CRAMP1: variants seen among roughly 807,000 people sequenced by gnomAD.
The protein encoded by CRAMP1 is cramped chromatin regulator 1, also known as protein cramped-like.
Under a neutral mutation model 115.4 loss-of-function variants are expected in CRAMP1, and 50 were observed. The ratio of observed to expected loss-of-function variants is 0.43; its 90% CI spans 0.35 to 0.55. The LOEUF (loss-of-function observed/expected upper bound fraction) is 0.55, where lower values mean the gene tolerates loss of function less well. CRAMP1 is among the 20% of genes least tolerant of loss of function. CRAMP1 has a pLI of 0.01. For synonymous variants in CRAMP1, 866 were observed against 745.4 expected (o/e 1.16, Z -2.64); for missense variants, 1,679 against 1,721.7 (o/e 0.98, Z 0.44).
rs748565936 is a variant in CRAMP1 at position 1,669,174 on chromosome 16, A to G, written c.3499+9A>G. On this transcript the variant is annotated intron_variant, in intron 19 of 20. Transcript: ENST00000397412. This position sits in a 1 kb window ranked among gnomAD's most constrained non-coding sequence, Gnocchi z 4.6. Reference sequence around the variant, plus strand: ...GCTCAGCAGCCTGTTTGGTGAGTGTATGGGGAGGGCTCCCATCTCCTTTTC... The same window carrying G: ...GCTCAGCAGCCTGTTTGGTGAGTGTGTGGGGAGGGCTCCCATCTCCTTTTC... The G allele has an allele frequency of 1.5e-5, 24 of 1,570,762 alleles. No individual in the cohort carries two copies. Among genetic ancestry groups the G allele is most frequent in the Non-Finnish European group, 2.0e-5 (23 of 1,157,710 alleles).
chr16:1,645,963 T>A (rs1374847521), intron 6 of CRAMP1, among the ~76,000 whole-genome samples: 1 of 152,118 alleles, frequency 6.6e-6, no homozygotes, highest in Non-Finnish European at 1.5e-5. Flanking sequence ...CAAGCACCCT[T>A]TGCGCCACTC....
chr16:1,659,906 C>T lies in CRAMP1; in HGVS notation c.2256C>T (p.Ile752=), dbSNP rs778846327. Reference sequence around the variant, plus strand: ...CCTAGGCTCTGGAAGCAAACACCATCTCTACAGCCTCAGTAAGGCCCGCCC... The same window carrying T: ...CCTAGGCTCTGGAAGCAAACACCATTTCTACAGCCTCAGTAAGGCCCGCCC... ...NPKLALEANT[I]STASVRPAQE... Residue 752 remains isoleucine, a synonymous_variant, in exon 11 of 21, where the codon ATC becomes ATT. Transcript: ENST00000397412. 1.2e-6 allele frequency: 2 copies of T among 1,613,306 alleles called. No homozygotes were observed. The highest frequency in any genetic ancestry group is 1.7e-6 in the Non-Finnish European group (2 of 1,179,812).
In CRAMP1 at chr16:1,655,247, T is replaced by C; in HGVS notation, c.1066T>C (p.Ser356Pro). 1 of 1,614,022 alleles carries C rather than the reference T, an allele frequency of 6.2e-7. No individual in the cohort carries two copies. Among genetic ancestry groups the C allele is most frequent in the Non-Finnish European group, 8.5e-7 (1 of 1,179,862 alleles). ...RMIVELHRKV[S>P]SLIEFLKQKW... ...GATCGTGGAGCTACATCGAAAGGTCTCCAGCCTCATCGAATTCTTGAAGCA... is the reference window on the plus strand; with the variant it reads ...GATCGTGGAGCTACATCGAAAGGTCCCCAGCCTCATCGAATTCTTGAAGCA... The change falls in exon 9 of 21, where the codon TCC (serine) becomes CCC (proline). Residue 356 changes from serine (S) to proline (P), a missense_variant. Ser to Pro is a moderately conservative substitution (Grantham distance 74). Around this residue, in one of 8 missense-constraint regions of CRAMP1, gnomAD observed 191 missense variants for 236.2 expected, o/e 0.81. Transcript: ENST00000397412.
rs1482525436 is a variant in CRAMP1, at chr16:1,614,070, C to G, written c.-1-569C>G. On this transcript the variant is annotated intron_variant, in intron 1 of 20. Transcript: ENST00000397412. This position sits in a 1 kb window ranked among gnomAD's most constrained non-coding sequence, Gnocchi z 4.4. ...CTCCAGGGCCAGCTCTGGGGGCCGG[C>G]GCGTGGGGCAGGTGCGCGGGGCCCG... Among the ~76,000 whole-genome samples, 8 of 118,150 alleles carry G rather than the reference C, an allele frequency of 6.8e-5. No individual in the cohort carries two copies. The highest frequency in any genetic ancestry group is 1.2e-4 in the Non-Finnish European group (7 of 58,702). The allele number at this position is 118,150 out of a possible 152,430, so 77.5% of individuals were successfully genotyped here.
At chr16:1,641,938 A>G (rs973205395) in intron 6 of CRAMP1, among the ~76,000 whole-genome samples, 6 of 152,000 alleles carry the variant, frequency 3.9e-5, no homozygotes, top group African/African-American at 1.5e-4. Context: ...GGGGGTTCCC[A>G]GTGCACAGCC....
chr16:1,673,310 A>G (rs1279806147), intron 20 of CRAMP1, among the ~76,000 whole-genome samples: 24 of 106,508 alleles, frequency 2.3e-4, no homozygotes, highest in African/African-American at 4.8e-4. Flanking sequence ...TGTCTATGAC[A>G]GGAACGTGTC....
chr16:1,656,166 G>T lies in CRAMP1; in HGVS notation c.1409G>T (p.Gly470Val). The T allele has an allele frequency of 2.5e-6, 4 of 1,606,028 alleles. No homozygotes were observed. The highest frequency in any genetic ancestry group is 3.4e-6 in the Non-Finnish European group (4 of 1,177,026). Residue 470 changes from glycine (G) to valine (V), a missense_variant, in exon 10 of 21, where the codon GGC becomes GTC. By Grantham distance (109) the Gly-to-Val change is moderately radical. Coordinates refer to ENST00000397412, the MANE Select transcript of CRAMP1 (RefSeq NM_020825.4). The surrounding 1 kb of genome is among the most constrained non-coding windows in gnomAD (Gnocchi z 5.6). Reference sequence around the variant, plus strand: ...AAATGCCCGCGGAGCGGAGCTGAGGGCAAGGGTGTGGGGCGGCCCCCTCCT... The same window carrying T: ...AAATGCCCGCGGAGCGGAGCTGAGGTCAAGGGTGTGGGGCGGCCCCCTCCT... ...QVKCPRSGAE[G>V]KGVGRPPPAA...
In CRAMP1 at chr16:1,674,381, C is replaced by G. The variant is rs1262033944; in HGVS notation, c.*336C>G. The stretch of plus-strand genomic sequence containing the variant: ...TTGGACATTCCGGTGGCATTTCCTT[C>G]TGAGACAAGGGAGTATGTGTGCCTT... On this transcript the variant is annotated 3_prime_UTR_variant, in exon 21 of 21. Coordinates refer to ENST00000397412, the MANE Select transcript of CRAMP1 (RefSeq NM_020825.4). The G allele has an allele frequency of 3.3e-6, 1 of 304,868 alleles. No individual in the cohort carries two copies. The allele number at this position is 304,868 out of a possible 1,614,324, so 18.9% of individuals were successfully genotyped here.
At chr16:1,640,008 G>C (rs2036618973) in intron 5 of CRAMP1, among the ~76,000 whole-genome samples, 1 of 152,164 alleles carries the variant, frequency 6.6e-6, no homozygotes, top group Non-Finnish European at 1.5e-5. Flanking sequence ...AGGAGAGGTG[G>C]GGCACGGTGA....
chr16:1,612,445 T>G lies in CRAMP1; in HGVS notation c.-214T>G, dbSNP rs1050866067. ...AGGGTGAGTGGCGGCAGTATCTGCG[T>G]CCGCAGCCCCCGCAGCCGCGCGCCG... is the stretch of plus-strand genomic sequence containing the variant. On this transcript the variant is annotated 5_prime_UTR_variant, in exon 1 of 21. Coordinates refer to ENST00000397412, the MANE Select transcript of CRAMP1 (RefSeq NM_020825.4). 3.3e-5 allele frequency: 5 copies of G among 151,056 alleles called. No homozygotes were observed. Among genetic ancestry groups the G allele is most frequent in the Non-Finnish European group, 7.4e-5 (5 of 67,658 alleles). 9.4% of individuals were successfully genotyped at this position (151,056 alleles called of 1,614,324 possible).
intron 5 of CRAMP1, among the ~76,000 whole-genome samples, 188 bp from the exon 6 acceptor site, chr16:1,640,951 A>G (rs1309327793): frequency 2.0e-5 from 3 of 152,172 alleles, no homozygotes; most frequent in Non-Finnish European, 2.9e-5. Flanking sequence ...GGGGGCGACC[A>G]GGGCAGCTGA....
In CRAMP1 at chr16:1,659,946, A is replaced by G; in HGVS notation, c.2296A>G (p.Met766Val). ...AAGGCCCGCCCAGGAGGAGCAGTCGATGACGCCCCCAGGGAAGGTGGTGAC... is the reference window on the plus strand; with the variant it reads ...AAGGCCCGCCCAGGAGGAGCAGTCGGTGACGCCCCCAGGGAAGGTGGTGAC... ...SVRPAQEEQSMTPPGKVVTVS... is the reference protein window; with the variant it reads ...SVRPAQEEQSVTPPGKVVTVS... The change falls in exon 11 of 21, where the codon ATG (methionine) becomes GTG (valine). Residue 766 changes from methionine (M) to valine (V), a missense_variant. Around this residue, in one of 8 missense-constraint regions of CRAMP1, gnomAD observed 709 missense variants for 741.9 expected, o/e 0.96. Coordinates refer to ENST00000397412, the MANE Select transcript of CRAMP1 (RefSeq NM_020825.4). The G allele has an allele frequency of 6.2e-7, 1 of 1,611,896 alleles. No homozygotes were observed. The highest frequency in any genetic ancestry group is 8.5e-7 in the Non-Finnish European group (1 of 1,179,862).
intron 2 of CRAMP1, among the ~76,000 whole-genome samples, chr16:1,616,668 T>C (rs1271274539): frequency 2.0e-5 from 3 of 152,200 alleles, no homozygotes; most frequent in Non-Finnish European, 4.4e-5. Context: ...CTTAGGTTGC[T>C]GGCACTTCTT....
intron 3 of CRAMP1, among the ~76,000 whole-genome samples, chr16:1,627,476 A>C (rs925240958): frequency 3.9e-5 from 6 of 152,196 alleles, no homozygotes; most frequent in African/African-American, 1.4e-4. Context: ...GGGAAGCAGA[A>C]TGCTCAAGAA....
intron 5 of CRAMP1, among the ~76,000 whole-genome samples, chr16:1,638,165 C>G (rs1458867230): frequency 6.6e-6 from 1 of 152,196 alleles, no homozygotes; most frequent in Non-Finnish European, 1.5e-5. Context: ...ACTCTGCATT[C>G]CACTCGACTG....
chr16:1,614,306 T>A lies in CRAMP1; in HGVS notation c.-1-333T>A, dbSNP rs1309378746. Reference sequence around the variant, plus strand: ...ACCCGCGCCCGCGCCGGGGCTCCCATAGACCCCGGGGCCGGGGCCGGGGCC... The same window carrying A: ...ACCCGCGCCCGCGCCGGGGCTCCCAAAGACCCCGGGGCCGGGGCCGGGGCC... On this transcript the variant is annotated intron_variant, in intron 1 of 20. Coordinates refer to ENST00000397412, the MANE Select transcript of CRAMP1 (RefSeq NM_020825.4). This position sits in a 1 kb window ranked among gnomAD's most constrained non-coding sequence, Gnocchi z 4.4. Among the ~76,000 whole-genome samples the A allele has an allele frequency of 7.7e-6, 1 of 130,564 alleles. No individual in the cohort carries two copies. The highest frequency in any genetic ancestry group is 2.3e-4 in the East Asian group (1 of 4,360). 85.7% of individuals were successfully genotyped at this position (130,564 alleles called of 152,430 possible).
At chr16:1,638,463 G>C (rs539653244) in intron 5 of CRAMP1, among the ~76,000 whole-genome samples, 1 of 152,178 alleles carries the variant, frequency 6.6e-6, no homozygotes, top group Non-Finnish European at 1.5e-5. Flanking sequence ...ATTGCAACGC[G>C]CTCAGGCCTT....
chr16:1,622,855 G>A (rs1310451283), intron 2 of CRAMP1, among the ~76,000 whole-genome samples: 3 of 150,474 alleles, frequency 2.0e-5, no homozygotes, highest in East Asian at 2.0e-4. Context: ...TCTGCCTCCC[G>A]GTTTCAAGTG....
chr16:1,617,437 C>T (rs1429603539), intron 2 of CRAMP1, among the ~76,000 whole-genome samples: 1 of 152,262 alleles, frequency 6.6e-6, no homozygotes, highest in Non-Finnish European at 1.5e-5. Context: ...GTCTTTAGCT[C>T]ACCTTCCAGA....
Sources: gnomAD v4.1 joint callset for allele counts (sites outside exome capture counted in the v4.1 genomes callset) on GRCh38, gnomAD v4.1.1 for gene constraint, gnomAD v4.1.1 regional missense constraint, Gnocchi (gnomAD v3.1) non-coding constraint, MANE v1.5 for transcripts, NCBI Gene and HGNC (gene_info 2026-07-23, HGNC 2026-07-21) for gene names.